Variants in FOXP1 observed in about 807,000 individuals in gnomAD.
FOXP1 encodes forkhead box P1.
FOXP1 carries 15 observed loss-of-function variants against 98.2 expected under a neutral mutation model. The observed-to-expected ratio is 0.15, with a 90% CI of 0.10 to 0.24. The LOEUF is 0.24. Among genes scored for constraint, FOXP1 ranks in the 10% least tolerant of loss-of-function variants. The pLI is 1.00. For missense variants in FOXP1, 633 were observed against 848.5 expected (o/e 0.75, Z 3.15); for synonymous variants, 371 against 314.5 (o/e 1.18, Z -1.90).
At chr3:71,179,003 C>A (rs1347158811) in intron 6 of FOXP1, among the ~76,000 whole-genome samples, 3 of 130,136 alleles carry the variant, frequency 2.3e-5, no homozygotes, top group Admixed American at 8.0e-5. Context: ...CTGGGAGGCA[C>A]TCTGTCTAAA....
intron 2 of FOXP1, among the ~76,000 whole-genome samples, chr3:71,496,101 A>G (rs1048127575): frequency 6.6e-6 from 1 of 152,180 alleles, no homozygotes; most frequent in Non-Finnish European, 1.5e-5. Context: ...AAATTCCAGA[A>G]TTTTTCAAAG....
chr3:71,420,412 G>A (rs938345890), intron 3 of FOXP1, among the ~76,000 whole-genome samples: 1 of 151,968 alleles, frequency 6.6e-6, no homozygotes, highest in African/African-American at 2.4e-5. Flanking sequence ...ATGCTACAGG[G>A]GCCACTTCAC....
chr3:70,999,190 A>C (rs2107598276), intron 13 of FOXP1, among the ~76,000 whole-genome samples: 1 of 152,220 alleles, frequency 6.6e-6, no homozygotes. Flanking sequence ...CCCGGGTTCA[A>C]GCAATTCTTT....
chr3:71,375,147 A>C (rs1379659339), intron 3 of FOXP1, among the ~76,000 whole-genome samples: 5 of 152,218 alleles, frequency 3.3e-5, no homozygotes, highest in Non-Finnish European at 2.9e-5. Context: ...AGTTCAGTAG[A>C]AAAGTGGTTA....
intron 6 of FOXP1, among the ~76,000 whole-genome samples, chr3:71,182,043 G>GA (rs959874069): frequency 7.1e-6 from 1 of 140,410 alleles, no homozygotes. Flanking sequence ...TCAAAAAAAA[G>GA]AAAAAAAAGA....
chr3:71,129,148 G>A (rs1289600200), intron 6 of FOXP1, among the ~76,000 whole-genome samples: 3 of 152,156 alleles, frequency 2.0e-5, no homozygotes, highest in Non-Finnish European at 4.4e-5. Context: ...GCAGCCCACT[G>A]TTCCCACACT....
intron 20 of FOXP1, among the ~76,000 whole-genome samples, chr3:70,962,293 A>G (rs1575672814): frequency 6.6e-6 from 1 of 152,338 alleles, no homozygotes; most frequent in East Asian, 1.9e-4. Flanking sequence ...GTATAATACA[A>G]TGACCACTTT....
At chr3:71,147,969 A>AT (rs2060391327) in intron 6 of FOXP1, among the ~76,000 whole-genome samples, 1 of 152,266 alleles carries the variant, frequency 6.6e-6, no homozygotes, top group African/African-American at 2.4e-5. Context: ...CACTAGAGAA[A>AT]TATTTGCGTG....
chr3:70,987,417 G>A (rs1385180264), intron 14 of FOXP1, among the ~76,000 whole-genome samples: 1 of 152,200 alleles, frequency 6.6e-6, no homozygotes, highest in Admixed American at 6.5e-5. Context: ...TCAGTATACT[G>A]TGTTTGGTCT....
chr3:71,583,465 C>T lies in FOXP1; in HGVS notation c.-447+106G>A, dbSNP rs867564106. On this transcript the variant is annotated intron_variant, in intron 1 of 20. Transcript: ENST00000649528. ...ATTTTTTTTCTCTTTTTCTTTCTTT[C>T]TTTTTTTTTTTTTGTGCTGGTTGTT... 8.1e-4 allele frequency: 597 copies of T among 735,980 alleles called. 1 individual carries two copies. The African/African-American group carries it at 0.011, about 14-fold the overall frequency. 45.6% of individuals were successfully genotyped at this position (735,980 alleles called of 1,614,324 possible).
intron 6 of FOXP1, among the ~76,000 whole-genome samples, chr3:71,130,311 C>T (rs951389070): frequency 6.6e-5 from 10 of 151,958 alleles, no homozygotes; most frequent in Admixed American, 1.3e-4. Context: ...TAGAAGGAAA[C>T]GGTCCTCTCA....
At chr3:71,022,937 G>A (rs1404643841) in intron 11 of FOXP1, among the ~76,000 whole-genome samples, 2 of 152,168 alleles carry the variant, frequency 1.3e-5, no homozygotes, top group African/African-American at 4.8e-5. Flanking sequence ...AGGAGTATCG[G>A]TGTCTTCATC....
At chr3:71,155,298 T>G (rs1215571012) in intron 6 of FOXP1, among the ~76,000 whole-genome samples, 1 of 152,232 alleles carries the variant, frequency 6.6e-6, no homozygotes, top group Non-Finnish European at 1.5e-5. Flanking sequence ...TTTAGTATAG[T>G]GCTGTCCAAG....
At chr3:71,091,899 C>T (rs967828520) in intron 7 of FOXP1, among the ~76,000 whole-genome samples, 4 of 152,110 alleles carry the variant, frequency 2.6e-5, no homozygotes, top group African/African-American at 4.8e-5. Context: ...AGGAAAATCA[C>T]GATGTAGGCT....
At chr3:71,544,011 GTATACACACA>G (rs530144058) in intron 2 of FOXP1, among the ~76,000 whole-genome samples, 2,860 of 80,586 alleles carry the variant, frequency 0.035, 67 homozygotes, top group African/African-American at 0.07. Flanking sequence ...ATGTATGTGT[GTATACACACA>G]TATACACACA....
intron 3 of FOXP1, among the ~76,000 whole-genome samples, chr3:71,420,611 C>T (rs528286988): frequency 6.6e-6 from 1 of 152,112 alleles, no homozygotes; most frequent in Non-Finnish European, 1.5e-5. Flanking sequence ...TGTAAAACAA[C>T]CAGACCCTGC....
chr3:71,384,195 C>A (rs2080394141), intron 3 of FOXP1, among the ~76,000 whole-genome samples: 1 of 152,124 alleles, frequency 6.6e-6, no homozygotes, highest in Non-Finnish European at 1.5e-5. Context: ...ATCTGGGCAA[C>A]AGAGTGGGAC....
intron 2 of FOXP1, among the ~76,000 whole-genome samples, chr3:71,560,875 A>G (rs1440599647): frequency 1.3e-5 from 2 of 152,184 alleles, no homozygotes; most frequent in Non-Finnish European, 2.9e-5. Flanking sequence ...CAGAAAGTCG[A>G]TTAGTGGTTG....
At chr3:70,987,286 T>A (rs2039907365) in intron 14 of FOXP1, among the ~76,000 whole-genome samples, 1 of 152,226 alleles carries the variant, frequency 6.6e-6, no homozygotes, top group Non-Finnish European at 1.5e-5. Context: ...GACAAACTTT[T>A]AGGTTCAGAC....
Sources: gnomAD v4.1 joint callset for allele counts (sites outside exome capture counted in the v4.1 genomes callset) on GRCh38, gnomAD v4.1.1 for gene constraint, MANE v1.5 for transcripts, NCBI Gene and HGNC (gene_info 2026-07-23, HGNC 2026-07-21) for gene names.